DLG3: variants seen among roughly 807,000 people sequenced by gnomAD.
DLG3 encodes disks large homolog 3.
In DLG3, 1 loss-of-function variant was observed where a neutral mutation model predicts 64.1. That is an observed-to-expected ratio of 0.02 (90% CI 0.01 to 0.07). The LOEUF (loss-of-function observed/expected upper bound fraction) is 0.07. Among genes scored for constraint, DLG3 ranks in the 10% least tolerant of loss-of-function variants. DLG3 has a pLI of 1.00. For synonymous variants in DLG3, 245 were observed against 259.8 expected (o/e 0.94, Z 0.55); for missense variants, 429 against 669.5 (o/e 0.64, Z 3.96).
At position 70,500,025 on chromosome X, in the gene DLG3, G is replaced by A. The variant is rs1159673956; in HGVS notation, c.2121G>A (p.Gln707=). The change falls in exon 16 of 19, where the codon CAG becomes CAA. Residue 707 remains glutamine (Q), a synonymous_variant. Coordinates refer to ENST00000374360, the MANE Select transcript of DLG3 (RefSeq NM_021120.4). ...ATAACCTCTATGGGACCAGCATCCA[G>A]TCAGTGCGGGCAGTTGCAGAGAGGG... ...FNDNLYGTSI[Q]SVRAVAERGK... is the part of the protein sequence containing the mutation. The A allele has an allele frequency of 8.3e-7, 1 of 1,211,202 alleles. No homozygotes were observed. Among genetic ancestry groups the A allele is most frequent in the South Asian group, 1.8e-5 (1 of 56,864 alleles).
In DLG3 at chrX:70,449,501, C is replaced by T; in HGVS notation, c.533+18C>T. 1.7e-6 allele frequency: 2 copies of T among 1,190,808 alleles called. No individual in the cohort carries two copies. Among genetic ancestry groups the T allele is most frequent in the Non-Finnish European group, 2.3e-6 (2 of 885,054 alleles). The stretch of plus-strand genomic sequence containing the variant: ...AGGCTGGGGTGAGATGGCCTGGAAG[C>T]AGGGTTGTGGGTGGCAGGGACAGGA... On this transcript the variant is annotated intron_variant, in intron 3 of 18. Transcript: ENST00000374360.
At chrX:70,455,049 C>T (rs2086678306) in intron 9 of DLG3, 2 of 747,649 alleles carry the variant, frequency 2.7e-6, no homozygotes, top group Admixed American at 8.7e-5. Flanking sequence ...CAGCCGCATG[C>T]CCCGCCCCCT....
chrX:70,505,210 A>G lies in DLG3; in HGVS notation c.*2941A>G, dbSNP rs1569301313. On this transcript the variant is annotated 3_prime_UTR_variant, in exon 19 of 19. Coordinates refer to ENST00000374360, the MANE Select transcript of DLG3 (RefSeq NM_021120.4). ...CACACTGTTGAGGCTCTGTCTTCAC[A>G]GCTGATGTTCTCCTAGTGGAGGTAC... is the stretch of plus-strand genomic sequence containing the variant. 1 of 112,728 alleles carries G rather than the reference A, an allele frequency of 8.9e-6. No homozygotes were observed. The highest frequency in any genetic ancestry group is 1.9e-5 in the Non-Finnish European group (1 of 53,324). 9.3% of individuals were successfully genotyped at this position (112,728 alleles called of 1,213,427 possible).
chrX:70,495,780 C>T (rs2087443555), intron 13 of DLG3, among the ~76,000 whole-genome samples: 1 of 111,860 alleles, frequency 8.9e-6, no homozygotes, highest in Non-Finnish European at 1.9e-5. Context: ...AATCTCTAGC[C>T]TATTGTCGAA....
At chrX:70,492,884 G>C (rs1038952914) in intron 12 of DLG3, among the ~76,000 whole-genome samples, 1 of 111,687 alleles carries the variant, frequency 9.0e-6, no homozygotes, top group Non-Finnish European at 1.9e-5. Flanking sequence ...CCACTCGTGG[G>C]TGTCTCCCTG....
intron 10 of DLG3, among the ~76,000 whole-genome samples, chrX:70,487,480 G>A (rs2087273933): frequency 9.0e-6 from 1 of 111,696 alleles, no homozygotes; most frequent in African/African-American, 3.3e-5. Flanking sequence ...CAAACTAGAT[G>A]TGATCTGTAC....
At position 70,498,397 on chromosome X, in the gene DLG3, G is replaced by A; in HGVS notation, c.1820-123G>A. ...TTTCTCACCAGCAGAAAACAGAAAG[G>A]ATCACAGGTGGTGGCAAGGACCACC... On this transcript the variant is annotated intron_variant, in intron 13 of 18. Transcript: ENST00000374360. 4.8e-6 allele frequency: 3 copies of A among 627,637 alleles called. No individual in the cohort carries two copies. In the South Asian group the frequency reaches 7.3e-5, roughly 15 times the overall value. 51.7% of individuals were successfully genotyped at this position (627,637 alleles called of 1,213,427 possible). A position where few individuals can be genotyped will look rare whatever the true frequency, so the allele number is the denominator to read the frequency against.
At position 70,450,069 on chromosome X, in the gene DLG3, G is replaced by A. The variant is rs1004497206; in HGVS notation, c.704-100G>A. On this transcript the variant is annotated intron_variant, in intron 4 of 18. Transcript: ENST00000374360. ...GATCCCCCGGGGGGAGCTCCTGTGGGGCCAGTGGGTTGGCTGGGGGAGGGG... is the reference window on the plus strand; with the variant it reads ...GATCCCCCGGGGGGAGCTCCTGTGGAGCCAGTGGGTTGGCTGGGGGAGGGG... 17 of 1,102,531 alleles carry A rather than the reference G, an allele frequency of 1.5e-5. No homozygotes were observed. The South Asian group carries it at 2.5e-4, about 16-fold the overall frequency. The allele number at this position is 1,102,531 out of a possible 1,213,427, so 90.9% of individuals were successfully genotyped here.
intron 5 of DLG3, 42 bp downstream of exon 5, chrX:70,450,347 G>T: frequency 8.6e-7 from 1 of 1,161,728 alleles, no homozygotes; most frequent in Non-Finnish European, 1.2e-6. Flanking sequence ...GTAGGGTAGG[G>T]AGGAGGAGCT....
chrX:70,502,109 T>G, intron 18 of DLG3, 54 bp from the exon 19 acceptor site: 1 of 945,273 alleles, frequency 1.1e-6, no homozygotes, highest in Non-Finnish European at 1.5e-6. Context: ...ATTGCTGGGT[T>G]TGGGGGATGT....
chrX:70,446,072 A>C (rs973903046), intron 1 of DLG3, among the ~76,000 whole-genome samples: 1 of 110,962 alleles, frequency 9.0e-6, no homozygotes, highest in African/African-American at 3.3e-5. Context: ...CCTTGATGCC[A>C]TGAGTCCCTC....
At chrX:70,466,505 C>A (rs2086890584) in intron 9 of DLG3, among the ~76,000 whole-genome samples, 1 of 104,627 alleles carries the variant, frequency 9.6e-6, no homozygotes. Flanking sequence ...GTGGTGCGAT[C>A]TCAGCTCACT....
chrX:70,452,802 G>A (rs751612224), intron 7 of DLG3: 4 of 1,082,325 alleles, frequency 3.7e-6, no homozygotes, highest in Admixed American at 2.9e-5. Context: ...CTCAGGGAGG[G>A]AGTCTCGCCC....
chrX:70,473,834 T>G (rs748010849), intron 9 of DLG3, among the ~76,000 whole-genome samples: 17 of 111,916 alleles, frequency 1.5e-4, no homozygotes, highest in Non-Finnish European at 2.3e-4. Context: ...TTTCAAGCAA[T>G]ACTTCTACCT....
At chrX:70,481,294 C>T (rs1314405517) in intron 10 of DLG3, among the ~76,000 whole-genome samples, 1 of 112,240 alleles carries the variant, frequency 8.9e-6, no homozygotes, top group Non-Finnish European at 1.9e-5. Context: ...CCCTTGATAC[C>T]AATAGTCCCT....
At chrX:70,458,543 G>A (rs751182272) in intron 9 of DLG3, among the ~76,000 whole-genome samples, 1 of 111,489 alleles carries the variant, frequency 9.0e-6, no homozygotes, top group Non-Finnish European at 1.9e-5. Context: ...CTCCCACCTC[G>A]ACCTCCCAAA....
intron 9 of DLG3, among the ~76,000 whole-genome samples, chrX:70,469,529 C>A (rs1234650242): frequency 3.8e-5 from 3 of 78,809 alleles, no homozygotes; most frequent in African/African-American, 1.4e-4. Context: ...TGCAACCTCC[C>A]CCTCCCAGGT....
At chrX:70,480,573 G>A (rs1046372055) in intron 10 of DLG3, among the ~76,000 whole-genome samples, 17 of 111,847 alleles carry the variant, frequency 1.5e-4, no homozygotes, top group Non-Finnish European at 2.6e-4. Context: ...CCAATTCCCC[G>A]GAAAGGAAAG....
In DLG3 at chrX:70,502,932, A is replaced by G. The variant is rs762592961; in HGVS notation, c.*663A>G. 62 of 110,825 alleles carry G rather than the reference A, an allele frequency of 5.6e-4. No homozygotes were observed. Among genetic ancestry groups the G allele is most frequent in the Admixed American group, 3.3e-3 (34 of 10,262 alleles). 9.1% of individuals were successfully genotyped at this position (110,825 alleles called of 1,213,427 possible). On this transcript the variant is annotated 3_prime_UTR_variant, in exon 19 of 19. Transcript: ENST00000374360. ...GAAATGCTTTAATTTTCATATTCCA[A>G]TCAGATGGCATCTTCTATCCCAGCT... is the stretch of plus-strand genomic sequence containing the variant.
Sources: allele counts gnomAD v4.1 joint callset (sites outside exome capture counted in the v4.1 genomes callset), GRCh38; gene constraint gnomAD v4.1.1; transcripts MANE v1.5; gene names NCBI Gene and HGNC (gene_info 2026-07-23, HGNC 2026-07-21).